COL23A1: variants seen among roughly 807,000 people sequenced by gnomAD.
COL23A1 encodes the protein collagen type XXIII alpha 1 chain.
Under a neutral mutation model 99.3 loss-of-function variants are expected in COL23A1, and 97 were observed. The observed-to-expected ratio is 0.98, with a 90% CI of 0.83 to 1.16. COL23A1 has a LOEUF of 1.16. Ranked by LOEUF, COL23A1 falls within the 50% of genes most tolerant of loss-of-function variation. The probability of loss-of-function intolerance (pLI) is 0.00; values close to 1 mark genes in which losing one functional copy is unlikely to be tolerated. For missense variants in COL23A1, 762 were observed against 757.4 expected (o/e 1.01, Z -0.07); for synonymous variants, 320 against 308.2 (o/e 1.04, Z -0.40).
At chr5:178,372,354 G>A (rs933029272) in intron 2 of COL23A1, among the ~76,000 whole-genome samples, 3 of 152,200 alleles carry the variant, frequency 2.0e-5, no homozygotes, top group African/African-American at 4.8e-5. Context: ...TTAGTCCGAG[G>A]GCGTAGTTGC....
intron 2 of COL23A1, among the ~76,000 whole-genome samples, chr5:178,537,404 G>C (rs73344415): frequency 0.014 from 2,106 of 152,330 alleles, 51 homozygotes; most frequent in African/African-American, 0.048. Flanking sequence ...GGAAACCGAG[G>C]CCGGGTGGGG....
intron 2 of COL23A1, among the ~76,000 whole-genome samples, chr5:178,386,757 A>G (rs1763698101): frequency 6.6e-6 from 1 of 152,180 alleles, no homozygotes; most frequent in East Asian, 1.9e-4. Flanking sequence ...CATGGGCTCC[A>G]GGAGCAGAAA....
intron 2 of COL23A1, among the ~76,000 whole-genome samples, chr5:178,436,050 G>C (rs1291692872): frequency 6.6e-6 from 1 of 152,208 alleles, no homozygotes; most frequent in Non-Finnish European, 1.5e-5. Context: ...GGGCACTGAA[G>C]GCCGACTTCA....
chr5:178,453,983 A>G (rs1767630893), intron 2 of COL23A1, among the ~76,000 whole-genome samples: 1 of 152,182 alleles, frequency 6.6e-6, no homozygotes, highest in South Asian at 2.1e-4. Flanking sequence ...AGATAAAACC[A>G]TTTTATAGAA....
intron 2 of COL23A1, among the ~76,000 whole-genome samples, chr5:178,358,531 A>G (rs1435150341): frequency 7.4e-6 from 1 of 134,970 alleles, no homozygotes; most frequent in Non-Finnish European, 1.6e-5. Flanking sequence ...ATGTATGTCT[A>G]GTGTGTGTAT....
chr5:178,275,897 C>T (rs1038044017), intron 5 of COL23A1, among the ~76,000 whole-genome samples: 14 of 152,154 alleles, frequency 9.2e-5, no homozygotes, highest in Admixed American at 2.6e-4. Context: ...AACACCCTGG[C>T]CCAGAACTCC....
At chr5:178,405,064 AC>A (rs1385318794) in intron 2 of COL23A1, among the ~76,000 whole-genome samples, 2 of 152,076 alleles carry the variant, frequency 1.3e-5, no homozygotes, top group African/African-American at 2.4e-5. Context: ...TGGCCAGGTG[AC>A]CCCCTAAGCA....
At chr5:178,507,109 C>T (rs1758915657) in intron 2 of COL23A1, among the ~76,000 whole-genome samples, 1 of 152,190 alleles carries the variant, frequency 6.6e-6, no homozygotes, top group Non-Finnish European at 1.5e-5. Context: ...AAAATAAAAG[C>T]AAATATGTAG....
intron 2 of COL23A1, among the ~76,000 whole-genome samples, chr5:178,403,302 C>T (rs1764573596): frequency 6.6e-6 from 1 of 152,144 alleles, no homozygotes; most frequent in Admixed American, 6.5e-5. Flanking sequence ...ATAACCTGCC[C>T]AAGGTCATGC....
chr5:178,250,184 CTG>C (rs978979910), intron 17 of COL23A1, 79 bp from the exon 18 acceptor site: 233 of 1,550,374 alleles, frequency 1.5e-4, no homozygotes, highest in Admixed American at 7.0e-4. Context: ...CCAGGACACA[CTG>C]TGCACCCGGC....
intron 2 of COL23A1, among the ~76,000 whole-genome samples, chr5:178,446,141 C>A (rs1180836954): frequency 1.6e-4 from 25 of 151,828 alleles, no homozygotes. Flanking sequence ...CAGGGGCGTT[C>A]TTAAATAGAA....
At position 178,571,046 on chromosome 5, in the gene COL23A1, C is replaced by A. The variant is rs114708348; in HGVS notation, c.295-10298G>T. On this transcript the variant is annotated intron_variant, in intron 1 of 28. Transcript: ENST00000390654. Reference sequence around the variant, plus strand: ...CGATCCCACCAGCCAGGCCAGTAAACCTCATAATCCACCATGAGAAAGTAC... The same window carrying A: ...CGATCCCACCAGCCAGGCCAGTAAAACTCATAATCCACCATGAGAAAGTAC... Among the ~76,000 whole-genome samples, 1,443 of 152,144 alleles carry A rather than the reference C, an allele frequency of 9.5e-3. 31 individuals carry two copies. The highest frequency in any genetic ancestry group is 0.033 in the African/African-American group (1,371 of 41,524).
chr5:178,534,971 T>TC (rs1760855865), intron 2 of COL23A1, among the ~76,000 whole-genome samples: 1 of 132,352 alleles, frequency 7.6e-6, no homozygotes, highest in African/African-American at 3.1e-5. Context: ...TTTTCCTTTT[T>TC]CTTTTTTTTT....
intron 8 of COL23A1, chr5:178,265,761 A>G: frequency 2.1e-6 from 2 of 960,828 alleles, no homozygotes; most frequent in Non-Finnish European, 2.5e-6. Flanking sequence ...TCAGAAAGGC[A>G]GGAAGGTGAT....
intron 1 of COL23A1, among the ~76,000 whole-genome samples, chr5:178,571,627 G>T (rs1327609586): frequency 1.3e-5 from 2 of 152,098 alleles, no homozygotes; most frequent in African/African-American, 4.8e-5. Flanking sequence ...CAGGAAAATA[G>T]GCCCTATGAT....
chr5:178,372,015 C>T (rs997323001), intron 2 of COL23A1, among the ~76,000 whole-genome samples: 1 of 152,348 alleles, frequency 6.6e-6, no homozygotes, highest in Non-Finnish European at 1.5e-5. Flanking sequence ...TGCACAGTGA[C>T]AGCCGTGACC....
intron 2 of COL23A1, among the ~76,000 whole-genome samples, chr5:178,466,888 G>A (rs1380773606): frequency 1.3e-5 from 2 of 152,270 alleles, no homozygotes; most frequent in Non-Finnish European, 2.9e-5. Flanking sequence ...ACTGGAGTTA[G>A]GAGATGTCGA....
intron 2 of COL23A1, among the ~76,000 whole-genome samples, chr5:178,521,852 G>T (rs1180584400): frequency 2.6e-5 from 4 of 152,118 alleles, no homozygotes; most frequent in Non-Finnish European, 5.9e-5. Context: ...TGGGGTCAGG[G>T]GTATAAAGGG....
chr5:178,450,891 G>A (rs1379189630), intron 2 of COL23A1, among the ~76,000 whole-genome samples: 2 of 152,220 alleles, frequency 1.3e-5, no homozygotes, highest in East Asian at 3.8e-4. Context: ...ACCCAGTTCA[G>A]GGCTCCTCCC....
Sources: gnomAD v4.1 joint callset for allele counts (sites outside exome capture counted in the v4.1 genomes callset) on GRCh38, gnomAD v4.1.1 for gene constraint, MANE v1.5 for transcripts, NCBI Gene and HGNC (gene_info 2026-07-23, HGNC 2026-07-21) for gene names.